The following TMEM132D variants were observed in gnomAD, a reference collection of about 807,000 sequenced individuals.
TMEM132D encodes transmembrane protein 132D.
A neutral mutation model predicts 62.3 loss-of-function variants in TMEM132D; 21 were observed. The observed-to-expected ratio is 0.34, with a 90% confidence interval of 0.24 to 0.49. The LOEUF (loss-of-function observed/expected upper bound fraction) is 0.49, where lower values mean the gene tolerates loss of function less well. TMEM132D is among the 20% of genes least tolerant of loss of function. The pLI is 0.99. For missense variants in TMEM132D, 1,346 were observed against 1,402.8 expected, an observed-to-expected ratio of 0.96 and a Z score of 0.65; for synonymous variants, 621 against 575.6, an observed-to-expected ratio of 1.08 and a Z score of -1.13.
At chr12:129,850,759 T>C (rs1873513552) in intron 1 of TMEM132D, among the ~76,000 whole-genome samples, 1 of 152,262 alleles carries the variant, frequency 6.6e-6, no homozygotes, top group Non-Finnish European at 1.5e-5. Flanking sequence ...AAGCTGAGGC[T>C]ACATGTTTAG....
At chr12:129,504,867 T>C (rs1209975997) in intron 3 of TMEM132D, among the ~76,000 whole-genome samples, 3 of 152,196 alleles carry the variant, frequency 2.0e-5, no homozygotes, top group African/African-American at 4.8e-5. Flanking sequence ...AACTTTCCCC[T>C]TAGCACTGCC....
chr12:129,174,976 C>T (rs1246419712), intron 5 of TMEM132D, among the ~76,000 whole-genome samples: 1 of 152,012 alleles, frequency 6.6e-6, no homozygotes, highest in African/African-American at 2.4e-5. Context: ...GGATACTAGA[C>T]CTTTGTCAGA....
At chr12:129,705,229 G>C (rs1881475519) in intron 1 of TMEM132D, among the ~76,000 whole-genome samples, 1 of 151,068 alleles carries the variant, frequency 6.6e-6, no homozygotes, top group South Asian at 2.1e-4. Flanking sequence ...GCATTAAAAG[G>C]CAAAAAAAGA....
chr12:129,444,806 C>A (rs901462002), intron 3 of TMEM132D, among the ~76,000 whole-genome samples: 9 of 152,136 alleles, frequency 5.9e-5, no homozygotes, highest in East Asian at 1.9e-4. Context: ...GTCAGAATGG[C>A]TACTATCAAA....
At chr12:129,169,059 G>A (rs903307890) in intron 5 of TMEM132D, among the ~76,000 whole-genome samples, 1 of 152,096 alleles carries the variant, frequency 6.6e-6, no homozygotes. Flanking sequence ...TACCCAAATA[G>A]CATTTTCGTA....
intron 4 of TMEM132D, among the ~76,000 whole-genome samples, chr12:129,293,626 T>C (rs1881500880): frequency 6.6e-6 from 1 of 152,170 alleles, no homozygotes; most frequent in Non-Finnish European, 1.5e-5. Context: ...TGGTCCCATC[T>C]GGGGGTGATG....
At chr12:129,540,226 C>T (rs1017405813) in intron 2 of TMEM132D, among the ~76,000 whole-genome samples, 18 of 152,052 alleles carry the variant, frequency 1.2e-4, no homozygotes, top group Admixed American at 1.0e-3. Flanking sequence ...CCAGGCATTC[C>T]TACAGGTGCT....
chr12:129,829,239 T>C (rs1253939579), intron 1 of TMEM132D, among the ~76,000 whole-genome samples: 1 of 152,108 alleles, frequency 6.6e-6, no homozygotes, highest in Admixed American at 6.5e-5. Flanking sequence ...GAATCATGGT[T>C]AGAATAATCG....
intron 1 of TMEM132D, among the ~76,000 whole-genome samples, chr12:129,877,872 G>A (rs1874478927): frequency 6.6e-6 from 1 of 152,214 alleles, no homozygotes; most frequent in African/African-American, 2.4e-5. Context: ...CAAGCCTGGA[G>A]TGATTCCTAA....
intron 5 of TMEM132D, among the ~76,000 whole-genome samples, chr12:129,130,486 C>A (rs532770335): frequency 3.9e-5 from 6 of 152,306 alleles, no homozygotes; most frequent in South Asian, 4.1e-4. Flanking sequence ...GTGCTAACCA[C>A]CGTCCGCGGT....
chr12:129,654,642 A>C (rs1247843410), intron 2 of TMEM132D, among the ~76,000 whole-genome samples: 2 of 152,202 alleles, frequency 1.3e-5, no homozygotes, highest in African/African-American at 4.8e-5. Context: ...ACGCTAGGTC[A>C]CTGTATAGTT....
chr12:129,681,739 G>C (rs1880782549), intron 2 of TMEM132D: 1 of 152,236 alleles, frequency 6.6e-6, no homozygotes, highest in Non-Finnish European at 1.5e-5. Context: ...TCAACAGTTA[G>C]AGAGGGTCAA....
chr12:129,452,783 T>C (rs1390142013), intron 3 of TMEM132D, among the ~76,000 whole-genome samples: 6 of 152,220 alleles, frequency 3.9e-5, no homozygotes, highest in Admixed American at 6.5e-5. Context: ...CAATTTCGTC[T>C]GATTTACCCT....
At chr12:129,418,275 A>G (rs1872189009) in intron 3 of TMEM132D, among the ~76,000 whole-genome samples, 1 of 152,348 alleles carries the variant, frequency 6.6e-6, no homozygotes, top group South Asian at 2.1e-4. Context: ...TGTTAATTGC[A>G]GCACCATTTA....
intron 1 of TMEM132D, among the ~76,000 whole-genome samples, chr12:129,793,712 T>A (rs865967525): frequency 1.3e-5 from 2 of 152,196 alleles, no homozygotes; most frequent in Non-Finnish European, 2.9e-5. Context: ...CCAAACTGCC[T>A]TTTAAAATTT....
intron 4 of TMEM132D, among the ~76,000 whole-genome samples, chr12:129,313,376 C>A (rs771179027): frequency 6.6e-6 from 1 of 152,086 alleles, no homozygotes; most frequent in Non-Finnish European, 1.5e-5. Flanking sequence ...GCCTTTGCAT[C>A]CTCATAGCTT....
chr12:129,536,879 G>A (rs763520122), intron 2 of TMEM132D, among the ~76,000 whole-genome samples: 11 of 152,202 alleles, frequency 7.2e-5, no homozygotes, highest in South Asian at 2.1e-4. Context: ...ATATGCGGCC[G>A]GGCGCGGTAG....
At chr12:129,843,915 C>A (rs1184413283) in intron 1 of TMEM132D, among the ~76,000 whole-genome samples, 1 of 151,242 alleles carries the variant, frequency 6.6e-6, no homozygotes, top group African/African-American at 2.4e-5. Context: ...ATAGTAAGAC[C>A]CTGTGTCTAC....
intron 4 of TMEM132D, among the ~76,000 whole-genome samples, chr12:129,214,302 T>A (rs943361869): frequency 2.6e-5 from 4 of 152,236 alleles, no homozygotes; most frequent in African/African-American, 9.6e-5. Context: ...AATTTCCTCA[T>A]GTTTCTGGTA....
Sources: gnomAD v4.1 joint callset for allele counts (sites outside exome capture counted in the v4.1 genomes callset) on GRCh38, gnomAD v4.1.1 for gene constraint, MANE v1.5 for transcripts, NCBI Gene and HGNC (gene_info 2026-07-23, HGNC 2026-07-21) for gene names.